The following HERC3 variants were observed in gnomAD, a reference collection of about 807,000 sequenced individuals.
HERC3 encodes probable E3 ubiquitin-protein ligase HERC3.
A neutral mutation model predicts 129.9 loss-of-function variants in HERC3; 58 were observed. The observed-to-expected ratio is 0.45, with a 90% CI of 0.36 to 0.56. The LOEUF is 0.56. Ranked by LOEUF, HERC3 falls within the 20% of genes least tolerant of loss-of-function variation. The pLI is 0.00. For synonymous variants in HERC3, 430 were observed against 451.0 expected (o/e 0.95, Z 0.59); for missense variants, 835 against 1,244.2 (o/e 0.67, Z 4.95).
At chr4:88,667,328 G>A (rs773869864) in intron 12 of HERC3, 49 bp from the exon 13 acceptor site, 14 of 943,548 alleles carry the variant, frequency 1.5e-5, no homozygotes, top group Admixed American at 1.1e-4. Flanking sequence ...TCCTATCAGA[G>A]TGTTTGCTTT....
At chr4:88,587,230 A>G in the HERC3 span, among the ~76,000 whole-genome samples, 1 of 152,352 alleles carries the variant, frequency 6.6e-6, no homozygotes, top group South Asian at 2.1e-4. Flanking sequence ...AGTAAATAAT[A>G]TTATAGTATA....
intron 19 of HERC3, 144 bp downstream of exon 19, chr4:88,678,278 C>A: frequency 3.1e-6 from 2 of 651,112 alleles, no homozygotes; most frequent in Non-Finnish European, 2.6e-6. Flanking sequence ...CTACTTTTGT[C>A]AAATCACCAA....
chr4:88,705,781 A>G (rs1196173982), intron 25 of HERC3, among the ~76,000 whole-genome samples: 1 of 152,206 alleles, frequency 6.6e-6, no homozygotes, highest in Non-Finnish European at 1.5e-5. Context: ...TAGGCAGTCT[A>G]TTTTGCTTTA....
chr4:88,568,529 CAAG>C, the HERC3 span, among the ~76,000 whole-genome samples: 1 of 151,952 alleles, frequency 6.6e-6, no homozygotes, highest in Admixed American at 6.6e-5. Context: ...TTTCTTTTCT[CAAG>C]AAGAAGGAAT....
In HERC3 at chr4:88,680,161, A is replaced by C. The variant is rs543000384; in HGVS notation, c.2265A>C (p.Leu755Phe). ...GVTKEFFLLLLKELLNPIYGM... is the reference protein window; with the variant it reads ...GVTKEFFLLLFKELLNPIYGM... ...CAAAGGAATTTTTTCTTTTGCTGTT[A>C]AAAGAACTTTTGAATCCCATCTATG... Residue 755 changes from leucine to phenylalanine, a missense_variant, in exon 20 of 26, where the codon TTA becomes TTC. Transcript: ENST00000402738. 6.2e-7 allele frequency: 1 copy of C among 1,613,382 alleles called. No homozygotes were observed. The highest frequency in any genetic ancestry group is 2.2e-5 in the East Asian group (1 of 44,820).
intron 3 of HERC3, among the ~76,000 whole-genome samples, chr4:88,635,975 G>T (rs752092104): frequency 9.2e-5 from 14 of 152,308 alleles, no homozygotes; most frequent in Middle Eastern, 3.4e-3. Context: ...CACCAGGACT[G>T]CCTTACAAGA....
chr4:88,662,649 G>A, intron 11 of HERC3, 94 bp downstream of exon 11: 1 of 1,279,386 alleles, frequency 7.8e-7, no homozygotes, highest in Non-Finnish European at 1.1e-6. Flanking sequence ...TTGATACTGT[G>A]AATGTAAATG....
At chr4:88,667,754 T>C (rs1731197475) in intron 13 of HERC3, 138 bp from the exon 14 acceptor site, 1 of 680,716 alleles carries the variant, frequency 1.5e-6, no homozygotes, top group South Asian at 1.9e-5. Flanking sequence ...CCTAGACCAG[T>C]GTCAGGCTCA....
intron 8 of HERC3, among the ~76,000 whole-genome samples, 187 bp from the exon 9 acceptor site, chr4:88,655,688 C>T (rs1210444213): frequency 6.6e-6 from 1 of 152,146 alleles, no homozygotes; most frequent in African/African-American, 2.4e-5. Flanking sequence ...CCACCCTCCT[C>T]ATGATCTAGA....
At chr4:88,530,749 G>C in the HERC3 span, among the ~76,000 whole-genome samples, 2 of 152,292 alleles carry the variant, frequency 1.3e-5, no homozygotes, top group East Asian at 3.9e-4. Context: ...TGGCTTCTGT[G>C]TATAACATTT....
At chr4:88,626,240 A>G (rs1467004028) in intron 3 of HERC3, among the ~76,000 whole-genome samples, 3 of 151,544 alleles carry the variant, frequency 2.0e-5, no homozygotes, top group African/African-American at 7.3e-5. Context: ...TTGAGACAAG[A>G]TCTCTCAAAA....
chr4:88,653,145 C>T, intron 6 of HERC3, 55 bp downstream of exon 6: 1 of 1,533,750 alleles, frequency 6.5e-7, no homozygotes, highest in Non-Finnish European at 9.0e-7. Context: ...TCATTTAACA[C>T]ATGCTTCTTG....
chr4:88,536,462 C>G, the HERC3 span, among the ~76,000 whole-genome samples: 1 of 152,272 alleles, frequency 6.6e-6, no homozygotes, highest in East Asian at 1.9e-4. Flanking sequence ...GACACATACT[C>G]ACTCACTCAC....
the HERC3 span, among the ~76,000 whole-genome samples, chr4:88,558,331 T>A: frequency 6.6e-6 from 1 of 152,082 alleles, no homozygotes; most frequent in Non-Finnish European, 1.5e-5. Context: ...CAAAACAGAA[T>A]GAAATAATGT....
At chr4:88,660,668 T>C (rs1730404222) in intron 10 of HERC3, among the ~76,000 whole-genome samples, 1 of 152,180 alleles carries the variant, frequency 6.6e-6, no homozygotes, top group African/African-American at 2.4e-5. Flanking sequence ...TGTCGTTTTG[T>C]TCCCTGGATA....
At chr4:88,549,205 G>T in the HERC3 span, among the ~76,000 whole-genome samples, 8 of 151,914 alleles carry the variant, frequency 5.3e-5, no homozygotes, top group African/African-American at 1.9e-4. Flanking sequence ...TTTGCATGTG[G>T]ATGCAATTTG....
chr4:88,544,843 T>C, the HERC3 span, among the ~76,000 whole-genome samples: 1 of 152,080 alleles, frequency 6.6e-6, no homozygotes, highest in South Asian at 2.1e-4. Context: ...TGTGTGAGAA[T>C]TGAACAATGA....
At chr4:88,657,150 A>G (rs1729992526) in intron 9 of HERC3, 1 of 152,228 alleles carries the variant, frequency 6.6e-6, no homozygotes, top group African/African-American at 2.4e-5. Flanking sequence ...AGTGTAACTT[A>G]TTAATTTTGA....
chr4:88,681,358 C>A (rs1164578181), intron 21 of HERC3, 33 bp downstream of exon 21: 1 of 1,570,788 alleles, frequency 6.4e-7, no homozygotes, highest in African/African-American at 1.4e-5. Context: ...GTATCTGAAA[C>A]TGTTGTGGCT....
Sources: gnomAD v4.1 joint callset for allele counts (sites outside exome capture counted in the v4.1 genomes callset) on GRCh38, gnomAD v4.1.1 for gene constraint, MANE v1.5 for transcripts, NCBI Gene and HGNC (gene_info 2026-07-23, HGNC 2026-07-21) for gene names.